The following FGF13 variants were observed in gnomAD, a reference collection of about 807,000 sequenced individuals.
FGF13 encodes the protein fibroblast growth factor 13.
Under a neutral mutation model 19.5 loss-of-function variants are expected in FGF13, and 2 were observed. The observed-to-expected ratio is 0.10, with a 90% CI of 0.04 to 0.32. The LOEUF is 0.32. FGF13 is among the 10% of genes least tolerant of loss of function. The pLI, the probability that FGF13 is intolerant of heterozygous loss-of-function variation, is 1.00. For missense variants in FGF13, 113 were observed against 192.7 expected (o/e 0.59, Z 2.45); for synonymous variants, 72 against 76.9 (o/e 0.94, Z 0.33).
At chrX:139,189,500 C>A (rs1247428360) in intron 1 of FGF13, among the ~76,000 whole-genome samples, 4 of 111,572 alleles carry the variant, frequency 3.6e-5, no homozygotes, top group Non-Finnish European at 3.8e-5. Flanking sequence ...CATGGATGAG[C>A]CTCAAGGCTC....
At chrX:138,748,242 C>T (rs966214849) in intron 3 of FGF13, among the ~76,000 whole-genome samples, 1 of 111,745 alleles carries the variant, frequency 8.9e-6, no homozygotes, top group South Asian at 3.8e-4. Flanking sequence ...AACTGAATTG[C>T]ATCCCCCAAA....
intron 3 of FGF13, among the ~76,000 whole-genome samples, chrX:138,802,571 T>A (rs748957887): frequency 8.9e-6 from 1 of 111,776 alleles, no homozygotes; most frequent in African/African-American, 3.3e-5. Flanking sequence ...AAGGAACACT[T>A]CCTTGAATTT....
intron 1 of FGF13, among the ~76,000 whole-genome samples, chrX:138,898,374 G>A (rs772397671): frequency 1.8e-5 from 2 of 111,960 alleles, no homozygotes; most frequent in Admixed American, 1.9e-4. Flanking sequence ...TGGGGGCCAG[G>A]CCAGGCAATT....
At chrX:138,937,701 C>T (rs1343159758) in intron 1 of FGF13, among the ~76,000 whole-genome samples, 1 of 112,196 alleles carries the variant, frequency 8.9e-6, no homozygotes, top group Non-Finnish European at 1.9e-5. Flanking sequence ...TATAGATTAT[C>T]TTTTAATATT....
chrX:139,083,682 C>T (rs2083385289), intron 1 of FGF13, among the ~76,000 whole-genome samples: 1 of 110,320 alleles, frequency 9.1e-6, no homozygotes, highest in Non-Finnish European at 1.9e-5. Flanking sequence ...ACCCTCCTGG[C>T]CAACATGGTG....
At chrX:138,996,847 C>A (rs766727515) in intron 1 of FGF13, among the ~76,000 whole-genome samples, 18 of 112,171 alleles carry the variant, frequency 1.6e-4, no homozygotes, top group Non-Finnish European at 2.4e-4. Flanking sequence ...CAGACTGCCT[C>A]CTCAAGTGGG....
intron 3 of FGF13, chrX:138,667,943 G>A (rs1423105493): frequency 6.1e-6 from 1 of 163,071 alleles, no homozygotes; most frequent in African/African-American, 3.2e-5. Flanking sequence ...TTGTGGATCA[G>A]TTCGTCCCCT....
chrX:138,718,728 C>T (rs920596069), intron 1 of FGF13, among the ~76,000 whole-genome samples: 2 of 111,663 alleles, frequency 1.8e-5, no homozygotes, highest in African/African-American at 6.5e-5. Context: ...AAAATACTAT[C>T]CTCCATATTC....
At chrX:138,777,215 T>C (rs1022465850) in intron 3 of FGF13, among the ~76,000 whole-genome samples, 5 of 111,316 alleles carry the variant, frequency 4.5e-5, no homozygotes, top group African/African-American at 1.3e-4. Flanking sequence ...GGAGCCCTAC[T>C]AATAATAAGT....
chrX:139,017,912 C>A (rs971488374), intron 1 of FGF13, among the ~76,000 whole-genome samples: 1 of 111,663 alleles, frequency 9.0e-6, no homozygotes, highest in Non-Finnish European at 1.9e-5. Flanking sequence ...CAACTTCTTA[C>A]AAAATTTAGG....
chrX:139,146,529 A>C (rs1037104195), intron 1 of FGF13, among the ~76,000 whole-genome samples: 5 of 112,346 alleles, frequency 4.5e-5, no homozygotes, highest in Non-Finnish European at 7.5e-5. Context: ...GTGGGACTGT[A>C]AACTAGTTAA....
chrX:139,074,185 G>A (rs1404105754), intron 1 of FGF13, among the ~76,000 whole-genome samples: 2 of 112,068 alleles, frequency 1.8e-5, no homozygotes, highest in Non-Finnish European at 3.8e-5. Context: ...TCATTTGAAA[G>A]CCAATTTTTA....
intron 1 of FGF13, among the ~76,000 whole-genome samples, chrX:139,109,668 T>G (rs2083587299): frequency 9.0e-6 from 1 of 111,615 alleles, no homozygotes; most frequent in South Asian, 3.8e-4. Context: ...TAGTGAATAA[T>G]GACCAAAACT....
intron 1 of FGF13, among the ~76,000 whole-genome samples, chrX:138,991,611 G>A (rs1464849490): frequency 1.8e-5 from 2 of 112,150 alleles, no homozygotes; most frequent in African/African-American, 3.2e-5. Context: ...GAGAGTAGGA[G>A]GGAAGCAGAA....
At chrX:138,883,203 G>C (rs1248616549) in intron 1 of FGF13, among the ~76,000 whole-genome samples, 1 of 112,078 alleles carries the variant, frequency 8.9e-6, no homozygotes, top group African/African-American at 3.2e-5. Flanking sequence ...TCAGCCTAGT[G>C]TGAACATTTC....
chrX:138,794,408 C>T (rs1173792679), intron 3 of FGF13, among the ~76,000 whole-genome samples: 1 of 111,705 alleles, frequency 9.0e-6, no homozygotes, highest in Non-Finnish European at 1.9e-5. Flanking sequence ...ACTTGAGTAG[C>T]TATGAAGATT....
At chrX:138,710,778 G>C (rs769557369) in intron 1 of FGF13, 39 bp downstream of exon 1, 10 of 1,202,472 alleles carry the variant, frequency 8.3e-6, no homozygotes, top group Non-Finnish European at 1.1e-5. Flanking sequence ...CACCTCACTC[G>C]TAAAGTATGG....
chrX:139,102,765 C>T (rs1038236922), intron 1 of FGF13, among the ~76,000 whole-genome samples: 19 of 112,229 alleles, frequency 1.7e-4, no homozygotes, highest in Middle Eastern at 4.2e-3. Flanking sequence ...GCCGTACAGA[C>T]GGTGAGAGGC....
chrX:138,693,604 A>G (rs1046411328), intron 3 of FGF13, among the ~76,000 whole-genome samples: 1 of 112,043 alleles, frequency 8.9e-6, no homozygotes, highest in Non-Finnish European at 1.9e-5. Context: ...GATTCATCAA[A>G]AAAGTTTATC....
Sources: allele counts gnomAD v4.1 joint callset (sites outside exome capture counted in the v4.1 genomes callset), GRCh38; gene constraint gnomAD v4.1.1; transcripts MANE v1.5; gene names NCBI Gene and HGNC (gene_info 2026-07-23, HGNC 2026-07-21).